Variants in ABLIM2 observed in about 807,000 individuals in gnomAD.
ABLIM2 encodes actin binding LIM protein family member 2, also known as actin-binding LIM protein 2.
Under a neutral mutation model 97.7 loss-of-function variants are expected in ABLIM2, and 53 were observed. The ratio of observed to expected loss-of-function variants is 0.54; its 90% confidence interval spans 0.44 to 0.68. ABLIM2 has a LOEUF of 0.68. Ranked by LOEUF, ABLIM2 falls within the 30% of genes least tolerant of loss-of-function variation. ABLIM2 has a pLI of 0.00. For synonymous variants in ABLIM2, 361 were observed against 345.8 expected (o/e 1.04, Z -0.49); for missense variants, 835 against 867.2 (o/e 0.96, Z 0.47).
Position 8,087,436 on chromosome 4 carries a change from C to T in ABLIM2, c.454+733G>A, listed in dbSNP as rs747221084. Among the ~76,000 whole-genome samples, 7 of 152,186 alleles carry T rather than the reference C, an allele frequency of 4.6e-5. No homozygotes were observed. The highest frequency in any genetic ancestry group is 8.8e-5 in the Non-Finnish European group (6 of 68,038). ...TTCCTAATTCAGGAAGCATCTTGAGCCCCCACTGCATACACACCTGGCCTA... is the reference window on the plus strand; with the variant it reads ...TTCCTAATTCAGGAAGCATCTTGAGTCCCCACTGCATACACACCTGGCCTA... On this transcript the variant is annotated intron_variant, in intron 4 of 20. Coordinates refer to ENST00000447017, the MANE Select transcript of ABLIM2 (RefSeq NM_001130083.2). This position sits in a 1 kb window ranked among gnomAD's most constrained non-coding sequence, Gnocchi z 4.6.
intron 5 of ABLIM2, among the ~76,000 whole-genome samples, chr4:8,078,295 A>G (rs1817602278): frequency 6.6e-6 from 1 of 152,224 alleles, no homozygotes. Flanking sequence ...TCCGCAGTGC[A>G]GGAAAGAGCA....
intron 14 of ABLIM2, among the ~76,000 whole-genome samples, chr4:8,016,351 A>G (rs534197248): frequency 5.7e-4 from 86 of 152,162 alleles, no homozygotes; most frequent in African/African-American, 1.9e-3. Context: ...GCCGGTCATG[A>G]ATTCATTTTA....
In ABLIM2 at chr4:8,019,852, A is replaced by G. The variant is rs191279268; in HGVS notation, c.1370-181T>C. Among the ~76,000 whole-genome samples the G allele has an allele frequency of 3.3e-4, 50 of 152,272 alleles. 1 individual carries two copies. Among genetic ancestry groups the G allele is most frequent in the Admixed American group, 7.2e-4 (11 of 15,292 alleles). On this transcript the variant is annotated intron_variant, in intron 13 of 20. Coordinates refer to ENST00000447017, the MANE Select transcript of ABLIM2 (RefSeq NM_001130083.2). The surrounding 1 kb of genome is among the most constrained non-coding windows in gnomAD (Gnocchi z 4.3). The stretch of plus-strand genomic sequence containing the variant: ...CCCCAGATCAAGCCTCCCTGACTCC[A>G]GATGCCACCCTCATCTGCAGGAGAT...
chr4:8,007,987 T>G, intron 16 of ABLIM2, 72 bp downstream of exon 16: 1 of 1,590,200 alleles, frequency 6.3e-7, no homozygotes, highest in Non-Finnish European at 8.6e-7. Flanking sequence ...GGGATAGCTC[T>G]GAGTTCTGGG....
chr4:7,976,666 C>T (rs1391890473), intron 20 of ABLIM2, among the ~76,000 whole-genome samples: 1 of 150,496 alleles, frequency 6.6e-6, no homozygotes, highest in Non-Finnish European at 1.5e-5. Context: ...TTACACAACA[C>T]ATGCACACAC....
At chr4:8,070,064 AGT>A (rs1561145194) in intron 6 of ABLIM2, among the ~76,000 whole-genome samples, 1 of 147,638 alleles carries the variant, frequency 6.8e-6, no homozygotes, top group Admixed American at 6.7e-5. Flanking sequence ...TGTGTATCTG[AGT>A]GTGTCTGTGT....
intron 5 of ABLIM2, among the ~76,000 whole-genome samples, chr4:8,079,138 C>T (rs773336625): frequency 1.3e-5 from 2 of 152,244 alleles, no homozygotes; most frequent in South Asian, 2.1e-4. Flanking sequence ...GATAAGCCAT[C>T]GCTCAGAGAG....
chr4:8,106,353 C>A, intron 2 of ABLIM2, 141 bp downstream of exon 2: 2 of 1,202,258 alleles, frequency 1.7e-6, no homozygotes, highest in Non-Finnish European at 1.2e-6. Context: ...AGATCCCACT[C>A]TCCTCTGAAG....
At chr4:8,027,709 G>A (rs201522066) in intron 12 of ABLIM2, 50 bp downstream of exon 12, 105 of 1,412,810 alleles carry the variant, frequency 7.4e-5, no homozygotes, top group East Asian at 1.3e-4. Context: ...CACAGACGCC[G>A]GGCGTGGACA....
rs1176286616 is a variant in ABLIM2, at chr4:8,044,729, C to G, written c.900+435G>C. Among the ~76,000 whole-genome samples, 1 of 151,688 alleles carries G rather than the reference C, an allele frequency of 6.6e-6. No individual in the cohort carries two copies. Among genetic ancestry groups the G allele is most frequent in the Non-Finnish European group, 1.5e-5 (1 of 67,998 alleles). On this transcript the variant is annotated intron_variant, in intron 9 of 20. Coordinates refer to ENST00000447017, the MANE Select transcript of ABLIM2 (RefSeq NM_001130083.2). The surrounding 1 kb of genome is among the most constrained non-coding windows in gnomAD (Gnocchi z 4.4). ...ACGGGATCACATAATTTACATCACC[C>G]TTAACTTGCTTCTTTTAGGGAACAC...
At chr4:8,048,612 T>C (rs539486691) in intron 8 of ABLIM2, among the ~76,000 whole-genome samples, 4 of 152,270 alleles carry the variant, frequency 2.6e-5, no homozygotes, top group Admixed American at 2.6e-4. Flanking sequence ...GCCGGGACCG[T>C]CTCGCTCCCA....
Position 8,071,098 on chromosome 4 carries a change from G to T in ABLIM2, c.675+6530C>A, listed in dbSNP as rs1238955310. Among the ~76,000 whole-genome samples, 2 of 152,164 alleles carry T rather than the reference G, an allele frequency of 1.3e-5. No homozygotes were observed. The highest frequency in any genetic ancestry group is 2.9e-5 in the Non-Finnish European group (2 of 68,014). On this transcript the variant is annotated intron_variant, in intron 6 of 20. Coordinates refer to ENST00000447017, the MANE Select transcript of ABLIM2 (RefSeq NM_001130083.2). The surrounding 1 kb of genome is among the most constrained non-coding windows in gnomAD (Gnocchi z 6.2). ...CACCTCCTCCCTTTATGCAGCCCTG[G>T]TCTAGAGGCTGGTCACACCGCTGTC... is the stretch of plus-strand genomic sequence containing the variant.
intron 9 of ABLIM2, among the ~76,000 whole-genome samples, chr4:8,039,882 T>G (rs1451246317): frequency 1.4e-5 from 2 of 142,130 alleles, no homozygotes; most frequent in South Asian, 4.3e-4. Flanking sequence ...CTGTTTTTTT[T>G]TTTTTTTTTT....
At position 8,080,669 on chromosome 4, in the gene ABLIM2, C is replaced by T. The variant is rs371957451; in HGVS notation, c.581+7G>A. ...GAGGCTCTCACTAGAGCCCTCCCCC[C>T]ACTTACTTGCTGATGTACTCGGCAT... On this transcript the variant is annotated splice_region_variant and intron_variant, in intron 5 of 20. Transcript: ENST00000447017. 1 of 1,597,458 alleles carries T rather than the reference C, an allele frequency of 6.3e-7. No individual in the cohort carries two copies. The highest frequency in any genetic ancestry group is 1.7e-5 in the Admixed American group (1 of 58,900).
rs1198965199 is a variant in ABLIM2, at chr4:8,113,655, G to A, written c.11-7018C>T. Among the ~76,000 whole-genome samples, 3 of 152,192 alleles carry A rather than the reference G, an allele frequency of 2.0e-5. No homozygotes were observed. The highest frequency in any genetic ancestry group is 4.4e-5 in the Non-Finnish European group (3 of 68,048). ...TCCACCCATGGCAGGGGTTCTCATCGGAGGCCCGCTCCATCCGCCAAGATG... is the reference window on the plus strand; with the variant it reads ...TCCACCCATGGCAGGGGTTCTCATCAGAGGCCCGCTCCATCCGCCAAGATG... On this transcript the variant is annotated intron_variant, in intron 1 of 20. Transcript: ENST00000447017. This position sits in a 1 kb window ranked among gnomAD's most constrained non-coding sequence, Gnocchi z 4.5.
intron 8 of ABLIM2, among the ~76,000 whole-genome samples, chr4:8,050,493 C>T (rs913096890): frequency 1.3e-5 from 2 of 152,124 alleles, no homozygotes; most frequent in Non-Finnish European, 2.9e-5. Flanking sequence ...TCCTGGAGTC[C>T]CCCAGGAGCT....
intron 3 of ABLIM2, among the ~76,000 whole-genome samples, chr4:8,091,868 TAC>T (rs1828933077): frequency 8.8e-6 from 1 of 113,484 alleles, no homozygotes; most frequent in African/African-American, 3.4e-5. Flanking sequence ...ATATTATATA[TAC>T]AATATATATT....
Position 8,027,772 on chromosome 4 carries a change from G to T in ABLIM2, c.1254C>A (p.Ile418=), listed in dbSNP as rs1169982822. The change falls in exon 12 of 21, where the codon ATC becomes ATA. Residue 418 remains isoleucine (I), a synonymous_variant. Coordinates refer to ENST00000447017, the MANE Select transcript of ABLIM2 (RefSeq NM_001130083.2). The part of the protein sequence containing the change: ...SPTSVFRHHY[I]PYFRGSESGR... ...TGCGTGCCTTACCTCGGAAGTAGGG[G>T]ATGTAATGATGTCTGAACACGGATG... 2 of 1,592,216 alleles carry T rather than the reference G, an allele frequency of 1.3e-6. No individual in the cohort carries two copies. Among genetic ancestry groups the T allele is most frequent in the Admixed American group, 1.8e-5 (1 of 56,716 alleles).
intron 20 of ABLIM2, among the ~76,000 whole-genome samples, chr4:7,973,477 G>C (rs1729946359): frequency 6.6e-6 from 1 of 151,656 alleles, no homozygotes; most frequent in African/African-American, 2.4e-5. Flanking sequence ...CTCCAGTCTG[G>C]GTGACAGAGT....
Sources: allele counts gnomAD v4.1 joint callset (sites outside exome capture counted in the v4.1 genomes callset), GRCh38; gene constraint gnomAD v4.1.1; non-coding constraint Gnocchi (gnomAD v3.1); transcripts MANE v1.5; gene names NCBI Gene and HGNC (gene_info 2026-07-23, HGNC 2026-07-21).